ERICH1: variants seen among roughly 807,000 people sequenced by gnomAD.
The protein encoded by ERICH1 is glutamate rich 1.
ERICH1 carries 56 observed loss-of-function variants against 39.6 expected under a neutral mutation model. The observed-to-expected ratio is 1.41, with a 90% CI of 1.14 to 1.77. ERICH1 has a LOEUF of 1.77. Among genes scored for constraint, ERICH1 ranks in the 40% most tolerant of loss-of-function variants. The probability of loss-of-function intolerance (pLI) is 0.00; values close to 1 mark genes in which losing one functional copy is unlikely to be tolerated. For missense variants in ERICH1, 826 were observed against 575.4 expected (o/e 1.44, Z -4.45); for synonymous variants, 313 against 223.6 (o/e 1.40, Z -3.57).
intron 3 of ERICH1, among the ~76,000 whole-genome samples, chr8:688,663 TAAG>T (rs1808210881): frequency 6.6e-6 from 1 of 152,194 alleles, no homozygotes; most frequent in East Asian, 1.9e-4. Flanking sequence ...TTTAAGAATC[TAAG>T]AAGAATGAGT....
chr8:665,405 T>C (rs1187548659), intron 5 of ERICH1, among the ~76,000 whole-genome samples: 1 of 152,164 alleles, frequency 6.6e-6, no homozygotes, highest in Non-Finnish European at 1.5e-5. Flanking sequence ...TTTTACAACT[T>C]GTCCGGGCAC....
chr8:696,641 A>C (rs377123631), intron 2 of ERICH1, among the ~76,000 whole-genome samples: 57 of 5,824 alleles, frequency 9.8e-3, no homozygotes, highest in Non-Finnish European at 0.012. Context: ...CTCACCCTCC[A>C]CTCCTCTCCT....
At chr8:703,394 G>C (rs569123412) in intron 2 of ERICH1, among the ~76,000 whole-genome samples, 7 of 152,280 alleles carry the variant, frequency 4.6e-5, no homozygotes, top group Admixed American at 3.9e-4. Flanking sequence ...CTGAATCCTA[G>C]AATGGCAGCC....
chr8:708,502 T>G (rs557446605), intron 2 of ERICH1, among the ~76,000 whole-genome samples: 1 of 152,196 alleles, frequency 6.6e-6, no homozygotes, highest in African/African-American at 2.4e-5. Context: ...TGCTACAACA[T>G]GAATGAACCT....
intron 1 of ERICH1, among the ~76,000 whole-genome samples, chr8:726,676 C>A (rs555429244): frequency 7.0e-6 from 1 of 141,988 alleles, no homozygotes; most frequent in East Asian, 2.0e-4. Flanking sequence ...CAGACGTGTA[C>A]ACAGGCACAT....
At chr8:616,810 G>A (rs1796933566) in intron 3 of ERICH1, among the ~76,000 whole-genome samples, 1 of 67,054 alleles carries the variant, frequency 1.5e-5, no homozygotes, top group Non-Finnish European at 2.7e-5. Flanking sequence ...AGAGGGGGGA[G>A]GAAGAGACGG....
At chr8:692,393 G>C (rs777165969) in intron 3 of ERICH1, 85 bp downstream of exon 3, 46 of 1,579,080 alleles carry the variant, frequency 2.9e-5, no homozygotes, top group African/African-American at 4.1e-5. Flanking sequence ...TATGAATTTA[G>C]ATAAAGGTAT....
chr8:676,762 C>G (rs1006577242), intron 3 of ERICH1, among the ~76,000 whole-genome samples: 1 of 152,236 alleles, frequency 6.6e-6, no homozygotes, highest in African/African-American at 2.4e-5. Flanking sequence ...CCCGAGCAGA[C>G]CTAGAACTAT....
chr8:686,874 G>A, intron 3 of ERICH1: 1 of 152,264 alleles, frequency 6.6e-6, no homozygotes. Context: ...AAATCAGCGT[G>A]ACAAGAATGA....
chr8:677,869 A>AC (rs1563241107), intron 3 of ERICH1, among the ~76,000 whole-genome samples: 1 of 151,056 alleles, frequency 6.6e-6, no homozygotes, highest in African/African-American at 2.4e-5. Flanking sequence ...GCTGCTCATC[A>AC]CCCCCCAGGC....
At chr8:671,684 C>T (rs903165918) in intron 4 of ERICH1, 17 of 160,040 alleles carry the variant, frequency 1.1e-4, no homozygotes, top group Non-Finnish European at 1.4e-4. Context: ...TGTCTGTGCT[C>T]ACTGGGCTCC....
At position 638,883 on chromosome 8, in the gene ERICH1, G is replaced by C. The variant is rs115847243; in HGVS notation, c.977-23599C>G. 9.7e-3 allele frequency among the ~76,000 whole-genome samples: 1,479 copies of C among 152,216 alleles called. 17 individuals carry two copies. Among genetic ancestry groups the C allele is most frequent in the African/African-American group, 0.034 (1,416 of 41,556 alleles). ...TGTGCGCAATCGCTGCTCAGTGGAC[G>C]CTGCCTCCGTGGCCTTGTTCTGACC... On this transcript the variant is annotated intron_variant, in intron 3 of 3. Coordinates refer to the ERICH1 transcript ENST00000522706.
downstream of ERICH1, among the ~76,000 whole-genome samples, chr8:661,781 G>A (rs1801461088): frequency 6.6e-6 from 1 of 152,228 alleles, no homozygotes; most frequent in Non-Finnish European, 1.5e-5. Context: ...CTGCTCGACT[G>A]TACCTCTATT....
chr8:715,998 T>C lies in ERICH1; in HGVS notation c.32A>G (p.Glu11Gly). Residue 11 changes from glutamate (E) to glycine (G), a missense_variant, in exon 2 of 6, where the codon GAG becomes GGG. Physicochemically the swap from Glu to Gly is moderately conservative, Grantham distance 98. Coordinates refer to ENST00000262109, the MANE Select transcript of ERICH1 (RefSeq NM_207332.3). ...AGGAAAAAGTCTCTGCAGCACCTTC[T>C]CCACAAACACTGTACAGACAACCGA... is the stretch of plus-strand genomic sequence containing the variant. MAAHRKHVFV[E>G]KVLQRLFPPV... 2 of 1,609,316 alleles carry C rather than the reference T, an allele frequency of 1.2e-6. No homozygotes were observed. Among genetic ancestry groups the C allele is most frequent in the Non-Finnish European group, 1.7e-6 (2 of 1,178,472 alleles).
intron 2 of ERICH1, among the ~76,000 whole-genome samples, chr8:705,496 A>G (rs1813065947): frequency 6.6e-6 from 1 of 152,240 alleles, no homozygotes; most frequent in Admixed American, 6.5e-5. Context: ...TTAAAAAAAA[A>G]TCAATAAACT....
At chr8:720,529 T>G (rs1817063383) in intron 1 of ERICH1, among the ~76,000 whole-genome samples, 2 of 152,310 alleles carry the variant, frequency 1.3e-5, no homozygotes, top group South Asian at 2.1e-4. Context: ...TCCTTAACGT[T>G]TAAATCCCGA....
At chr8:697,117 C>T (rs1810497932) in intron 2 of ERICH1, among the ~76,000 whole-genome samples, 1 of 152,214 alleles carries the variant, frequency 6.6e-6, no homozygotes, top group Non-Finnish European at 1.5e-5. Flanking sequence ...TGTATATACA[C>T]AGATGGACAC....
intron 1 of ERICH1, 99 bp downstream of exon 1, chr8:731,041 C>T: frequency 2.3e-6 from 3 of 1,317,620 alleles, no homozygotes; most frequent in Non-Finnish European, 2.0e-6. Context: ...GGGGTGGGGC[C>T]TGGAAAGGGG....
intron 3 of ERICH1, among the ~76,000 whole-genome samples, chr8:685,121 T>G (rs1341646768): frequency 6.6e-6 from 1 of 152,206 alleles, no homozygotes; most frequent in Non-Finnish European, 1.5e-5. Context: ...TACAACTGCA[T>G]AAGGCAGACA....
Sources: gnomAD v4.1 joint callset for allele counts (sites outside exome capture counted in the v4.1 genomes callset) on GRCh38, gnomAD v4.1.1 for gene constraint, MANE v1.5 for transcripts, NCBI Gene and HGNC (gene_info 2026-07-23, HGNC 2026-07-21) for gene names.